MALSU1: variants seen among roughly 807,000 people sequenced by gnomAD.
MALSU1 encodes the protein mitochondrial assembly of ribosomal large subunit 1.
A neutral mutation model predicts 22.1 loss-of-function variants in MALSU1; 22 were observed. That is an observed-to-expected ratio of 1.00 (90% CI 0.71 to 1.42). The LOEUF (loss-of-function observed/expected upper bound fraction) is 1.42, where lower values mean the gene tolerates loss of function less well. Among genes scored for constraint, MALSU1 ranks in the 40% most tolerant of loss-of-function variants. The pLI is 0.00. For synonymous variants in MALSU1, 153 were observed against 118.5 expected, an observed-to-expected ratio of 1.29 and a Z score of -1.89; for missense variants, 379 against 308.3, an observed-to-expected ratio of 1.23 and a Z score of -1.72.
Position 23,309,618 on chromosome 7 carries a change from C to G in MALSU1, c.*75C>G. 8.1e-7 allele frequency: 1 copy of G among 1,233,316 alleles called. No individual in the cohort carries two copies. 76.4% of individuals were successfully genotyped at this position (1,233,316 alleles called of 1,614,324 possible). On this transcript the variant is annotated 3_prime_UTR_variant, in exon 4 of 4. Transcript: ENST00000466681. ...ATTGGAAAATACAGCTCCTAAAGTCCGTCTCCTTGGTTAGGCTGCTCTTAG... is the reference window on the plus strand; with the variant it reads ...ATTGGAAAATACAGCTCCTAAAGTCGGTCTCCTTGGTTAGGCTGCTCTTAG...
rs147182474 is a variant in MALSU1 at position 23,301,796 on chromosome 7, C to T, written c.435+779C>T. Among the ~76,000 whole-genome samples the T allele has an allele frequency of 9.4e-3, 1,435 of 152,178 alleles. 22 individuals are homozygous for T. Among genetic ancestry groups the T allele is most frequent in the African/African-American group, 0.032 (1,348 of 41,512 alleles). On this transcript the variant is annotated intron_variant, in intron 2 of 3. Coordinates refer to ENST00000466681, the MANE Select transcript of MALSU1 (RefSeq NM_138446.2). ...CCATCCTGGCCAACATGGTGAAATGCCGTCTTTACTAAAAATACAAAAATT... is the reference window on the plus strand; with the variant it reads ...CCATCCTGGCCAACATGGTGAAATGTCGTCTTTACTAAAAATACAAAAATT...
At chr7:23,308,663 C>G (rs886322317) in intron 3 of MALSU1, among the ~76,000 whole-genome samples, 4 of 152,110 alleles carry the variant, frequency 2.6e-5, no homozygotes, top group African/African-American at 9.7e-5. Flanking sequence ...CAACATGGGC[C>G]AGATGACACC....
At chr7:23,306,081 C>T (rs532553297) in intron 2 of MALSU1, among the ~76,000 whole-genome samples, 1 of 152,130 alleles carries the variant, frequency 6.6e-6, no homozygotes, top group Non-Finnish European at 1.5e-5. Flanking sequence ...GTAATCCCGG[C>T]TACTTGGGAG....
intron 2 of MALSU1, among the ~76,000 whole-genome samples, chr7:23,305,139 T>G (rs1418887233): frequency 1.5e-4 from 23 of 152,196 alleles, no homozygotes; most frequent in Non-Finnish European, 2.9e-5. Context: ...GCAACGTTTG[T>G]TGGAAGGACT....
intron 2 of MALSU1, among the ~76,000 whole-genome samples, chr7:23,306,500 C>T (rs1434300772): frequency 6.6e-6 from 1 of 151,738 alleles, no homozygotes; most frequent in Non-Finnish European, 1.5e-5. Context: ...GTAGCAAAAG[C>T]AGGCATAGTC....
chr7:23,305,336 A>C (rs1013085488), intron 2 of MALSU1, among the ~76,000 whole-genome samples: 14 of 151,256 alleles, frequency 9.3e-5, no homozygotes, highest in African/African-American at 3.4e-4. Context: ...TGAGACTCCA[A>C]CTTTGTTCTT....
At chr7:23,301,893 T>C (rs1386676402) in intron 2 of MALSU1, among the ~76,000 whole-genome samples, 3 of 150,586 alleles carry the variant, frequency 2.0e-5, no homozygotes, top group Non-Finnish European at 4.4e-5. Flanking sequence ...GGCTTGAACC[T>C]GGGAGGCGGA....
At chr7:23,307,788 AAAC>A in intron 2 of MALSU1, 77 bp from the exon 3 acceptor site, 15 of 858,268 alleles carry the variant, frequency 1.7e-5, no homozygotes, top group South Asian at 4.8e-5. Flanking sequence ...ACAAACAAAC[AAAC>A]AAAAAAAAAA....
In MALSU1 at chr7:23,311,570, T is replaced by A. The variant is rs530423341; in HGVS notation, c.*2027T>A. 2.6e-5 allele frequency: 4 copies of A among 152,338 alleles called. No homozygotes were observed. The highest frequency in any genetic ancestry group is 2.9e-5 in the Non-Finnish European group (2 of 68,028). 9.4% of individuals were successfully genotyped at this position (152,338 alleles called of 1,614,324 possible). ...GGCACTGCTCCGTATTTTTGAACAT[T>A]TGATTTAACTAATAACTGTGTCAAA... On this transcript the variant is annotated 3_prime_UTR_variant, in exon 4 of 4. Coordinates refer to ENST00000466681, the MANE Select transcript of MALSU1 (RefSeq NM_138446.2).
intron 1 of MALSU1, 35 bp from the exon 2 acceptor site, chr7:23,300,804 C>G (rs1783632155): frequency 6.3e-7 from 1 of 1,582,576 alleles, no homozygotes; most frequent in South Asian, 1.1e-5. Flanking sequence ...ATCTGCTTGG[C>G]CATCCTGATA....
chr7:23,307,897 T>TCA lies in MALSU1; in HGVS notation c.466_467dup (p.Val157MetfsTer4). On this transcript the variant is annotated frameshift_variant, in exon 3 of 4. Transcript: ENST00000466681. LOFTEE classifies it high-confidence loss of function. ...AACACCTGAAATGTAAACGTGACCC[T>TCA]CATGTTAAGATAGAAGGGAAGGACA... 6.2e-7 allele frequency: 1 copy of TCA among 1,613,808 alleles called. No individual in the cohort carries two copies. Among genetic ancestry groups the TCA allele is most frequent in the Middle Eastern group, 1.6e-4 (1 of 6,062 alleles).
rs1783810629 is a variant in MALSU1 at position 23,310,961 on chromosome 7, AGTTC to A, written c.*1422_*1425del. Reference sequence around the variant, plus strand: ...TTTGCTGTCAAGGAGTGAGCAAATGAGTTCGTTATCAAAGGTCATATGTTTTCAC... The same window carrying A: ...TTTGCTGTCAAGGAGTGAGCAAATGAGTTATCAAAGGTCATATGTTTTCAC... On this transcript the variant is annotated 3_prime_UTR_variant, in exon 4 of 4. Coordinates refer to ENST00000466681, the MANE Select transcript of MALSU1 (RefSeq NM_138446.2). 6.6e-6 allele frequency: 1 copy of A among 152,166 alleles called. No homozygotes were observed. The highest frequency in any genetic ancestry group is 1.5e-5 in the Non-Finnish European group (1 of 68,026). 9.4% of individuals were successfully genotyped at this position (152,166 alleles called of 1,614,324 possible). A position where few individuals can be genotyped will look rare whatever the true frequency, so the allele number is the denominator to read the frequency against.
chr7:23,300,954 T>C lies in MALSU1; in HGVS notation c.372T>C (p.Phe124=). The change falls in exon 2 of 4, where the codon TTT becomes TTC. Residue 124 remains phenylalanine (F), a synonymous_variant. Transcript: ENST00000466681. ...VPPEMRYTDY[F]VIVSGTSTRH... The stretch of plus-strand genomic sequence containing the variant: ...CAGAAATGAGATATACAGATTACTT[T>C]GTGATTGTTAGTGGAACTTCTACCC... 3 of 1,614,072 alleles carry C rather than the reference T, an allele frequency of 1.9e-6. No individual in the cohort carries two copies. Among genetic ancestry groups the C allele is most frequent in the Non-Finnish European group, 2.5e-6 (3 of 1,179,972 alleles).
chr7:23,302,054 A>G (rs1219772298), intron 2 of MALSU1, among the ~76,000 whole-genome samples: 1 of 152,174 alleles, frequency 6.6e-6, no homozygotes, highest in Non-Finnish European at 1.5e-5. Context: ...GCTAATGGCT[A>G]CCATATGGGA....
rs1270474022 is a variant in MALSU1 at position 23,309,620 on chromosome 7, T to A, written c.*77T>A. On this transcript the variant is annotated 3_prime_UTR_variant, in exon 4 of 4. Transcript: ENST00000466681. Reference sequence around the variant, plus strand: ...TGGAAAATACAGCTCCTAAAGTCCGTCTCCTTGGTTAGGCTGCTCTTAGGA... The same window carrying A: ...TGGAAAATACAGCTCCTAAAGTCCGACTCCTTGGTTAGGCTGCTCTTAGGA... The A allele has an allele frequency of 8.3e-7, 1 of 1,207,754 alleles. No homozygotes were observed. Among genetic ancestry groups the A allele is most frequent in the African/African-American group, 1.5e-5 (1 of 65,036 alleles). The allele number at this position is 1,207,754 out of a possible 1,614,324, so 74.8% of individuals were successfully genotyped here.
intron 2 of MALSU1, 153 bp downstream of exon 2, chr7:23,301,170 C>T: frequency 1.6e-6 from 1 of 630,396 alleles, no homozygotes; most frequent in South Asian, 2.4e-5. Flanking sequence ...ATTTTATGTT[C>T]TTTGATAGTG....
At chr7:23,307,814 G>T (rs929385614) in intron 2 of MALSU1, 54 bp from the exon 3 acceptor site, 12 of 1,112,160 alleles carry the variant, frequency 1.1e-5, no homozygotes, top group Non-Finnish European at 1.6e-5. Context: ...CCTTCAGCAA[G>T]AACAGGCTTC....
At chr7:23,306,243 G>A (rs1165537345) in intron 2 of MALSU1, among the ~76,000 whole-genome samples, 1 of 152,048 alleles carries the variant, frequency 6.6e-6, no homozygotes, top group Non-Finnish European at 1.5e-5. Context: ...TATTGTAAAT[G>A]GAATTCTAAA....
intron 2 of MALSU1, among the ~76,000 whole-genome samples, chr7:23,306,747 A>C (rs1783727868): frequency 6.6e-6 from 1 of 152,058 alleles, no homozygotes. Context: ...ATCCGTTTTT[A>C]TATGTTGAAC....
Sources: gnomAD v4.1 joint callset for allele counts (sites outside exome capture counted in the v4.1 genomes callset) on GRCh38, gnomAD v4.1.1 for gene constraint, MANE v1.5 for transcripts, NCBI Gene and HGNC (gene_info 2026-07-23, HGNC 2026-07-21) for gene names.